Variants in TMEM63C observed in about 807,000 individuals in gnomAD.
The protein encoded by TMEM63C is transmembrane protein 63C.
In TMEM63C, 32 loss-of-function variants were observed where a neutral mutation model predicts 99.2. The ratio of observed to expected loss-of-function variants is 0.32; its 90% confidence interval spans 0.24 to 0.43. The LOEUF is 0.43. Among genes scored for constraint, TMEM63C ranks in the 20% least tolerant of loss-of-function variants. The pLI is 1.00. For synonymous variants in TMEM63C, 376 were observed against 397.9 expected (o/e 0.94, Z 0.66); for missense variants, 826 against 1,053.0 (o/e 0.78, Z 2.98).
chr14:77,234,501 C>T (rs1889002177), intron 8 of TMEM63C, among the ~76,000 whole-genome samples: 1 of 152,172 alleles, frequency 6.6e-6, no homozygotes, highest in Non-Finnish European at 1.5e-5. Context: ...CCATCAATCT[C>T]CATGAATCTA....
Position 77,256,901 on chromosome 14 carries a change from C to T in TMEM63C, c.*175C>T, listed in dbSNP as rs148038334. 3.6e-4 allele frequency: 227 copies of T among 633,712 alleles called. 1 individual carries two copies. Among genetic ancestry groups the T allele is most frequent in the African/African-American group, 3.2e-3 (174 of 54,560 alleles). 39.3% of individuals were successfully genotyped at this position (633,712 alleles called of 1,614,324 possible). ...CATACGGGGGTCCTGACCTGCTGCC[C>T]GGCTGGAACTGGGGGTGCTCGGCAG... On this transcript the variant is annotated 3_prime_UTR_variant, in exon 24 of 24. Coordinates refer to ENST00000298351, the MANE Select transcript of TMEM63C (RefSeq NM_020431.4).
At chr14:77,200,620 C>T (rs1888283647) in intron 1 of TMEM63C, among the ~76,000 whole-genome samples, 1 of 152,256 alleles carries the variant, frequency 6.6e-6, no homozygotes, top group Non-Finnish European at 1.5e-5. Flanking sequence ...TAGGCTTCAA[C>T]CTGGCCCCCA....
chr14:77,245,110 C>T (rs567087951), intron 16 of TMEM63C, among the ~76,000 whole-genome samples: 39 of 152,356 alleles, frequency 2.6e-4, no homozygotes, highest in Non-Finnish European at 4.1e-4. Context: ...TTTGTCCTAA[C>T]GGAAATCCTT....
At chr14:77,254,608 A>G (rs908717894) in intron 23 of TMEM63C, among the ~76,000 whole-genome samples, 2 of 152,216 alleles carry the variant, frequency 1.3e-5, no homozygotes, top group Non-Finnish European at 2.9e-5. Context: ...AAACCCACAC[A>G]GTAGGGATTT....
intron 1 of TMEM63C, among the ~76,000 whole-genome samples, chr14:77,204,243 C>T (rs1888357521): frequency 1.5e-5 from 2 of 134,000 alleles, no homozygotes; most frequent in Admixed American, 7.1e-5. Context: ...ATGAGATGCG[C>T]CACATTTTTT....
At chr14:77,207,129 G>A (rs1888415651) in intron 1 of TMEM63C, among the ~76,000 whole-genome samples, 1 of 152,306 alleles carries the variant, frequency 6.6e-6, no homozygotes, top group African/African-American at 2.4e-5. Context: ...AGGGGCATAG[G>A]CAGAAAGCCA....
intron 1 of TMEM63C, among the ~76,000 whole-genome samples, chr14:77,186,776 G>T (rs988997738): frequency 7.2e-6 from 1 of 138,438 alleles, no homozygotes; most frequent in Admixed American, 7.4e-5. Flanking sequence ...GAACCAAAGG[G>T]GTGTGTGTGT....
In TMEM63C at chr14:77,224,436, A is replaced by T. The variant is rs1888781698; in HGVS notation, c.313-988A>T. Reference sequence around the variant, plus strand: ...GTTCACAGAAGTGCACATGACCCAAATGGGGCCAATCTAGAGCTGTAACCT... The same window carrying T: ...GTTCACAGAAGTGCACATGACCCAATTGGGGCCAATCTAGAGCTGTAACCT... On this transcript the variant is annotated intron_variant, in intron 5 of 23. Transcript: ENST00000298351. 2.0e-5 allele frequency among the ~76,000 whole-genome samples: 3 copies of T among 152,136 alleles called. No individual in the cohort carries two copies. The South Asian group carries it at 6.2e-4, about 32-fold the overall frequency.
rs960508893 is a variant in TMEM63C, at chr14:77,244,521, C to T, written c.1448+66C>T. ...AGCCTCTTCCCCTGCCCTGGCTTCC[C>T]CGCCAGCCTGGCACTTGGGCCTCCC... On this transcript the variant is annotated intron_variant, in intron 16 of 23. Transcript: ENST00000298351. 16 of 1,336,240 alleles carry T rather than the reference C, an allele frequency of 1.2e-5. No homozygotes were observed. In the African/African-American group the frequency reaches 1.9e-4, roughly 16 times the overall value. The allele number at this position is 1,336,240 out of a possible 1,614,324, so 82.8% of individuals were successfully genotyped here.
At chr14:77,241,444 A>T (rs1202144218) in intron 13 of TMEM63C, among the ~76,000 whole-genome samples, 6 of 152,144 alleles carry the variant, frequency 3.9e-5, no homozygotes, top group African/African-American at 7.2e-5. Flanking sequence ...AAGGATCCTT[A>T]GGACTGGGCC....
Position 77,225,474 on chromosome 14 carries a change from G to A in TMEM63C, c.350+13G>A. 1.2e-6 allele frequency: 2 copies of A among 1,612,684 alleles called. No homozygotes were observed. Among genetic ancestry groups the A allele is most frequent in the African/African-American group, 1.3e-5 (1 of 74,990 alleles). On this transcript the variant is annotated intron_variant, in intron 6 of 23. Transcript: ENST00000298351. ...GCATAACAATGAAGTAAGTGCCCGG[G>A]CTCTGTGAGCTTGTGACCGTGTTGC...
intron 1 of TMEM63C, among the ~76,000 whole-genome samples, chr14:77,191,538 C>CTTTTTTTTTTTTTTTTTTTTTT (rs71125542): frequency 3.1e-4 from 26 of 82,606 alleles, no homozygotes; most frequent in East Asian, 8.0e-4. Flanking sequence ...TTTTCTTTTT[C>CTTTTTTTTTTTTTTTTTTTTTT]TTTTTTTTTT....
intron 1 of TMEM63C, among the ~76,000 whole-genome samples, chr14:77,212,711 G>A (rs1274602423): frequency 1.3e-5 from 2 of 152,228 alleles, no homozygotes; most frequent in East Asian, 1.9e-4. Context: ...TGGGAAAGCT[G>A]AGGAGGGTGG....
chr14:77,187,696 CAG>C (rs1888027217), intron 1 of TMEM63C, among the ~76,000 whole-genome samples: 1 of 152,240 alleles, frequency 6.6e-6, no homozygotes, highest in South Asian at 2.1e-4. Context: ...CAGACCATCG[CAG>C]CCCTGATCTG....
At chr14:77,218,073 G>T (rs945315904) in intron 2 of TMEM63C, among the ~76,000 whole-genome samples, 3 of 152,122 alleles carry the variant, frequency 2.0e-5, no homozygotes, top group Admixed American at 6.5e-5. Context: ...TAAAACAACT[G>T]AAAGAGTATA....
In TMEM63C at chr14:77,248,827, G is replaced by A. The variant is rs768582544; in HGVS notation, c.1825G>A (p.Val609Met). ...EYAWMMNVFS[V>M]VMAYSITCPI... Reference sequence around the variant, plus strand: ...TGCGTGGATGATGAACGTGTTCAGCGTGGTGATGGCGTACAGCATCACTTG... The same window carrying A: ...TGCGTGGATGATGAACGTGTTCAGCATGGTGATGGCGTACAGCATCACTTG... The change falls in exon 20 of 24, where the codon GTG becomes ATG. Residue 609 changes from valine to methionine, a missense_variant. Coordinates refer to ENST00000298351, the MANE Select transcript of TMEM63C (RefSeq NM_020431.4). 47 of 1,613,928 alleles carry A rather than the reference G, an allele frequency of 2.9e-5. No homozygotes were observed. The highest frequency in any genetic ancestry group is 2.5e-4 in the South Asian group (23 of 91,094).
At chr14:77,187,655 A>G (rs1888025774) in intron 1 of TMEM63C, among the ~76,000 whole-genome samples, 1 of 152,236 alleles carries the variant, frequency 6.6e-6, no homozygotes, top group Non-Finnish European at 1.5e-5. Context: ...CCCCAGTCCC[A>G]GCACCCTCCT....
intron 8 of TMEM63C, among the ~76,000 whole-genome samples, chr14:77,235,291 A>G (rs414513): frequency 1.3e-5 from 2 of 149,352 alleles, no homozygotes; most frequent in African/African-American, 5.0e-5. Context: ...GGAGATTGTG[A>G]TCGGTGGGAG....
chr14:77,194,542 TTTCTTTCTTTC>T (rs1272991132), intron 1 of TMEM63C, among the ~76,000 whole-genome samples: 71 of 2,110 alleles, frequency 0.034, no homozygotes, highest in Middle Eastern at 0.17. Context: ...TCTTTCTTTC[TTTCTTTCTTTC>T]TCTTTCTTTC....
Sources: allele counts gnomAD v4.1 joint callset (sites outside exome capture counted in the v4.1 genomes callset), GRCh38; gene constraint gnomAD v4.1.1; transcripts MANE v1.5; gene names NCBI Gene and HGNC (gene_info 2026-07-23, HGNC 2026-07-21).